HDLBP: variants seen among roughly 807,000 people sequenced by gnomAD.
HDLBP encodes vigilin.
In HDLBP, 30 loss-of-function variants were observed where a neutral mutation model predicts 137.3. That is an observed-to-expected ratio of 0.22 (90% CI 0.16 to 0.30). The LOEUF is 0.30. Among genes scored for constraint, HDLBP ranks in the 10% least tolerant of loss-of-function variants. The probability of loss-of-function intolerance (pLI) is 1.00; values close to 1 mark genes in which losing one functional copy is unlikely to be tolerated. For synonymous variants in HDLBP, 606 were observed against 596.0 expected, an observed-to-expected ratio of 1.02 and a Z score of -0.24; for missense variants, 1,119 against 1,667.3, an observed-to-expected ratio of 0.67 and a Z score of 5.73.
At chr2:241,241,920 G>A (rs967502069) in intron 17 of HDLBP, among the ~76,000 whole-genome samples, 1 of 152,170 alleles carries the variant, frequency 6.6e-6, no homozygotes, top group Non-Finnish European at 1.5e-5. Context: ...CAATCAAAAC[G>A]TGAAAGTGCT....
At chr2:241,266,732 A>C in intron 3 of HDLBP, 62 bp downstream of exon 3, 1 of 1,106,118 alleles carries the variant, frequency 9.0e-7, no homozygotes, top group East Asian at 2.3e-5. Context: ...GGATTTGGTA[A>C]AGGCTTTAGA....
intron 1 of HDLBP, chr2:241,269,264 G>C (rs1246318377): frequency 6.6e-6 from 1 of 152,238 alleles, no homozygotes; most frequent in Non-Finnish European, 1.5e-5. Context: ...ACCATGAAAA[G>C]GTGGAACTGC....
At chr2:241,287,420 C>CTTTTTTTT (rs57462994) in intron 1 of HDLBP, among the ~76,000 whole-genome samples, 1 of 135,372 alleles carries the variant, frequency 7.4e-6, no homozygotes, top group Non-Finnish European at 1.6e-5. Flanking sequence ...TTCTTTCTTT[C>CTTTTTTTT]TTTTTTTTTT....
rs2070072238 is a variant in HDLBP at position 241,233,746 on chromosome 2, G to C, written c.3288+74C>G. On this transcript the variant is annotated intron_variant, in intron 24 of 27. Transcript: ENST00000310931. This position sits in a 1 kb window ranked among gnomAD's most constrained non-coding sequence, Gnocchi z 4.3. ...CTCGAACCCCCATCTAGGCACATCTGGTTACTGCTCCCAAGTCACAGGAAA... is the reference window on the plus strand; with the variant it reads ...CTCGAACCCCCATCTAGGCACATCTCGTTACTGCTCCCAAGTCACAGGAAA... 5 of 1,565,690 alleles carry C rather than the reference G, an allele frequency of 3.2e-6. No individual in the cohort carries two copies. In the East Asian group the frequency reaches 9.0e-5, roughly 28 times the overall value.
At position 241,298,045 on chromosome 2, in the gene HDLBP, CAAAAAAAAAAAAAAA is replaced by C. The variant is rs71049568; in HGVS notation, c.-103+17510_-103+17524del. ...GCCTGGACAGAGTGAGACCCTGTCTCAAAAAAAAAAAAAAAAAAAAAAAAAAAAAAAAAAAAAGGG... is the reference window on the plus strand; with the variant it reads ...GCCTGGACAGAGTGAGACCCTGTCTCAAAAAAAAAAAAAAAAAAAAAAGGG... On this transcript the variant is annotated intron_variant, in intron 1 of 27. Coordinates refer to ENST00000310931, the MANE Select transcript of HDLBP (RefSeq NM_005336.6). 1.0e-3 allele frequency among the ~76,000 whole-genome samples: 24 copies of C among 23,404 alleles called. No individual in the cohort carries two copies. The South Asian group carries it at 0.014, about 14-fold the overall frequency. 15.4% of individuals were successfully genotyped at this position (23,404 alleles called of 152,430 possible).
intron 2 of HDLBP, chr2:241,267,829 A>G (rs1559526551): frequency 6.9e-7 from 1 of 1,452,552 alleles, no homozygotes; most frequent in East Asian, 2.6e-5. Context: ...GGTGTGGGAC[A>G]GAACTCGCAC....
At position 241,233,083 on chromosome 2, in the gene HDLBP, G is replaced by A. The variant is rs543364998; in HGVS notation, c.3288+737C>T. Among the ~76,000 whole-genome samples, 1 of 152,268 alleles carries A rather than the reference G, an allele frequency of 6.6e-6. No individual in the cohort carries two copies. The highest frequency in any genetic ancestry group is 2.4e-5 in the African/African-American group (1 of 41,554). The stretch of plus-strand genomic sequence containing the variant: ...GGGCTCTGCTGCCAGGGGGTTTGCT[G>A]TTTCTGGAAACCAGCACAACTGTGG... On this transcript the variant is annotated intron_variant, in intron 24 of 27. Coordinates refer to ENST00000310931, the MANE Select transcript of HDLBP (RefSeq NM_005336.6). The surrounding 1 kb of genome is among the most constrained non-coding windows in gnomAD (Gnocchi z 4.3).
intron 20 of HDLBP, 77 bp from the exon 21 acceptor site, chr2:241,236,846 G>A: frequency 6.8e-7 from 1 of 1,471,394 alleles, no homozygotes; most frequent in Non-Finnish European, 9.3e-7. Context: ...GCATATGTCT[G>A]TGAGGCACCT....
chr2:241,240,055 C>T lies in HDLBP; in HGVS notation c.2237G>A (p.Gly746Glu), dbSNP rs906480587. ...PEYHKFLIGK[G>E]GGKIRKVRDS... ...GCGCACCTTGCGAATTTTGCCGCCC[C>T]CCTTGCCGATGAGGAATTTGTGGTA... The change falls in exon 18 of 28, where the codon GGG becomes GAG. Residue 746 changes from glycine to glutamate, a missense_variant. Physicochemically the swap from Gly to Glu is moderately conservative, Grantham distance 98 (BLOSUM62 -2). Around this residue, in one of 4 missense-constraint regions of HDLBP, gnomAD observed 618 missense variants for 816.7 expected, o/e 0.76. Transcript: ENST00000310931. This position sits in a 1 kb window ranked among gnomAD's most constrained non-coding sequence, Gnocchi z 5.5. 17 of 1,614,100 alleles carry T rather than the reference C, an allele frequency of 1.1e-5. No homozygotes were observed. Among genetic ancestry groups the T allele is most frequent in the African/African-American group, 1.3e-5 (1 of 74,924 alleles).
intron 20 of HDLBP, among the ~76,000 whole-genome samples, chr2:241,237,014 G>A (rs62186363): frequency 0.28 from 40,954 of 146,868 alleles, 7,155 homozygotes; most frequent in East Asian, 0.61. Context: ...AGGCTTTGCC[G>A]GGAGGCCGTG....
chr2:241,235,864 GGA>G (rs1483121288), intron 21 of HDLBP, among the ~76,000 whole-genome samples: 1 of 152,200 alleles, frequency 6.6e-6, no homozygotes, highest in Non-Finnish European at 1.5e-5. Flanking sequence ...CCACGTAGGA[GGA>G]GAGGCCCTGA....
intron 2 of HDLBP, chr2:241,267,698 A>G (rs747147480): frequency 4.9e-5 from 75 of 1,535,318 alleles, no homozygotes; most frequent in South Asian, 3.3e-4. Context: ...CCAGGTGGTT[A>G]TAAGTGGTAG....
chr2:241,313,924 CT>C (rs2075859329), intron 1 of HDLBP, among the ~76,000 whole-genome samples: 1 of 152,150 alleles, frequency 6.6e-6, no homozygotes, highest in Admixed American at 6.5e-5. Context: ...AATTTGACTC[CT>C]GATAAGATGA....
chr2:241,312,925 T>C (rs1212138550), intron 1 of HDLBP, among the ~76,000 whole-genome samples: 1 of 152,178 alleles, frequency 6.6e-6, no homozygotes, highest in Non-Finnish European at 1.5e-5. Flanking sequence ...ATCAAGTCCT[T>C]CAGTACACAG....
At position 241,231,946 on chromosome 2, in the gene HDLBP, C is replaced by T. The variant is rs796797189; in HGVS notation, c.3289-1002G>A. 2.9e-4 allele frequency among the ~76,000 whole-genome samples: 44 copies of T among 149,350 alleles called. 1 individual carries two copies. Among genetic ancestry groups the T allele is most frequent in the African/African-American group, 9.5e-4 (39 of 40,846 alleles). ...TAGAGGACAGGGACAAATCACAACA[C>T]GGAACCATCATCACGCAACAGGACT... On this transcript the variant is annotated intron_variant, in intron 24 of 27. Coordinates refer to ENST00000310931, the MANE Select transcript of HDLBP (RefSeq NM_005336.6).
intron 1 of HDLBP, among the ~76,000 whole-genome samples, chr2:241,314,499 T>A (rs565834257): frequency 1.6e-4 from 24 of 152,308 alleles, no homozygotes; most frequent in Admixed American, 1.2e-3. Flanking sequence ...TAGGTAGCTA[T>A]GAATCTGAGG....
chr2:241,305,861 C>A (rs1398858863), intron 1 of HDLBP, among the ~76,000 whole-genome samples: 1 of 150,294 alleles, frequency 6.7e-6, no homozygotes, highest in Non-Finnish European at 1.5e-5. Flanking sequence ...CCCGGGTTCA[C>A]GCCATTCTCC....
At chr2:241,235,673 G>T in intron 21 of HDLBP, 79 bp from the exon 22 acceptor site, 1 of 948,262 alleles carries the variant, frequency 1.1e-6, no homozygotes, top group Non-Finnish European at 1.7e-6. Context: ...GGGGCTCCAC[G>T]AAACACAAGG....
intron 1 of HDLBP, among the ~76,000 whole-genome samples, chr2:241,300,096 G>A (rs757129751): frequency 4.0e-5 from 6 of 151,882 alleles, no homozygotes; most frequent in Non-Finnish European, 8.8e-5. Context: ...GTTCTTTCAT[G>A]AGAAAGTAGA....
Sources: gnomAD v4.1 joint callset for allele counts (sites outside exome capture counted in the v4.1 genomes callset) on GRCh38, gnomAD v4.1.1 for gene constraint, gnomAD v4.1.1 regional missense constraint, Gnocchi (gnomAD v3.1) non-coding constraint, MANE v1.5 for transcripts, NCBI Gene and HGNC (gene_info 2026-07-23, HGNC 2026-07-21) for gene names.